Variants in PLEC observed in about 807,000 individuals in gnomAD.
The protein encoded by PLEC is plectin.
Under a neutral mutation model 392.8 loss-of-function variants are expected in PLEC, and 216 were observed. The observed-to-expected ratio is 0.55, with a 90% CI of 0.49 to 0.62. The LOEUF (loss-of-function observed/expected upper bound fraction) is 0.62, where lower values mean the gene tolerates loss of function less well. Among genes scored for constraint, PLEC ranks in the 20% least tolerant of loss-of-function variants. PLEC has a pLI of 0.00. For synonymous variants in PLEC, 3,621 were observed against 2,980.6 expected (o/e 1.21, Z -7.00); for missense variants, 6,863 against 6,563.4 (o/e 1.05, Z -1.58).
intron 1 of PLEC, chr8:143,950,048 G>GA (rs1229365381): frequency 5.7e-5 from 67 of 1,166,188 alleles, no homozygotes; most frequent in Non-Finnish European, 7.0e-5. Flanking sequence ...GCTAGGGGGG[G>GA]CCACCTGCTG....
chr8:143,926,748 GA>G lies in PLEC; in HGVS notation c.4044+35del, dbSNP rs781965155. 8.7e-5 allele frequency: 134 copies of G among 1,540,544 alleles called. 1 individual carries two copies. In the East Asian group the frequency reaches 2.3e-3, roughly 26 times the overall value. Reference sequence around the variant, plus strand: ...GTGGGACACAACAGGTGGTGAGATGGAACCCTCTGCCCAGCCTCCGCCCAAC... The same window carrying G: ...GTGGGACACAACAGGTGGTGAGATGGACCCTCTGCCCAGCCTCCGCCCAAC... On this transcript the variant is annotated intron_variant, in intron 30 of 31. Transcript: ENST00000345136.
chr8:143,939,360 C>T lies in PLEC; in HGVS notation c.102G>A (p.Glu34=), dbSNP rs781911752. 1 of 1,612,088 alleles carries T rather than the reference C, an allele frequency of 6.2e-7. No individual in the cohort carries two copies. Among genetic ancestry groups the T allele is most frequent in the African/African-American group, 1.3e-5 (1 of 75,046 alleles). Residue 34 remains glutamate, a synonymous_variant, in exon 1 of 32, where the codon GAG becomes GAA. Coordinates refer to ENST00000345136, the MANE Select transcript of PLEC (RefSeq NM_201384.3). ...NLYLAVLRAS[E]GKKDERDRVQ... ...GGGGAGCCCTGCTACCTTTCTTGCC[C>T]TCAGAGGCCCTGAGCACAGCCAGGT...
chr8:143,930,976 T>C (rs1827078658), intron 19 of PLEC, among the ~76,000 whole-genome samples: 1 of 152,050 alleles, frequency 6.6e-6, no homozygotes, highest in South Asian at 2.1e-4. Context: ...CAGTCCCTCT[T>C]CCCTGTCACT....
Position 143,922,264 on chromosome 8 carries a change from G to A in PLEC, c.7557C>T (p.Leu2519=). ...IEQEKAKLEQ[L]FQDEVAKAQQ... ...GTGCCTTGGCCACCTCGTCCTGGAA[G>A]AGCTGCTCCAGCTTGGCCTTCTCCT... The change falls in exon 32 of 32, where the codon CTC becomes CTT. Residue 2519 remains leucine, a synonymous_variant. Transcript: ENST00000345136. 4 of 1,601,456 alleles carry A rather than the reference G, an allele frequency of 2.5e-6. No homozygotes were observed. The highest frequency in any genetic ancestry group is 1.3e-5 in the African/African-American group (1 of 74,970).
intron 1 of PLEC, chr8:143,946,516 C>G: frequency 3.2e-6 from 2 of 617,148 alleles, no homozygotes; most frequent in Non-Finnish European, 5.0e-6. Flanking sequence ...CTCCTCCTCG[C>G]AGCCACCCCT....
upstream of PLEC, chr8:143,953,957 C>CCGCACCG (rs1355029899): frequency 1.6e-5 from 22 of 1,345,062 alleles, no homozygotes; most frequent in East Asian, 2.6e-4. Flanking sequence ...ATGCTCCCGG[C>CCGCACCG]CGCACCGCGC....
intron 6 of PLEC, 30 bp downstream of exon 6, chr8:143,935,818 C>T: frequency 1.2e-6 from 2 of 1,611,182 alleles, no homozygotes; most frequent in South Asian, 2.2e-5. Context: ...TGCCCCCAGC[C>T]CACAGCCCCC....
chr8:143,971,220 G>T (rs1342929312), intron 1 of PLEC, among the ~76,000 whole-genome samples: 1 of 152,180 alleles, frequency 6.6e-6, no homozygotes, highest in African/African-American at 2.4e-5. Context: ...CAGTGAGGTG[G>T]AACCGAGGCA....
Position 143,916,380 on chromosome 8 carries a change from T to C in PLEC, c.13441A>G (p.Ser4481Gly). 6.2e-7 allele frequency: 1 copy of C among 1,610,700 alleles called. No individual in the cohort carries two copies. Among genetic ancestry groups the C allele is most frequent in the Non-Finnish European group, 8.5e-7 (1 of 1,179,142 alleles). Residue 4481 changes from serine (S) to glycine (G), a missense_variant, in exon 32 of 32, where the codon AGC becomes GGC. Transcript: ENST00000345136. ...GAGCCAGCGGTAGAGCCGGAGCCGC[T>C]GACGCTGTAGGGGCTGTAGTAGCCC... ...TKGYYSPYSV[S>G]GSGSTAGSRT...
chr8:143,972,605 G>A (rs1201134812), intron 1 of PLEC, among the ~76,000 whole-genome samples: 1 of 152,210 alleles, frequency 6.6e-6, no homozygotes, highest in Non-Finnish European at 1.5e-5. Flanking sequence ...CTGCCTGGGG[G>A]CCCCCACCGC....
rs1554669294 is a variant in PLEC, at chr8:143,916,493, T to C, written c.13328A>G (p.Lys4443Arg). The C allele has an allele frequency of 4.3e-6, 7 of 1,611,882 alleles. No individual in the cohort carries two copies. Among genetic ancestry groups the C allele is most frequent in the Admixed American group, 1.7e-5 (1 of 59,994 alleles). Residue 4443 changes from lysine (K) to arginine (R), a missense_variant, in exon 32 of 32, where the codon AAG becomes AGG. Lys to Arg is a conservative substitution (Grantham distance 26). Coordinates refer to ENST00000345136, the MANE Select transcript of PLEC (RefSeq NM_201384.3). Reference protein sequence around the residue: ...KYLTCPKTKLKISYKDALDRS... With the variant: ...KYLTCPKTKLRISYKDALDRS... ...GTCCAGCGCGTCCTTATAGGAGATC[T>C]TGAGCTTGGTCTTAGGGCAGGTGAG... is the stretch of plus-strand genomic sequence containing the variant.
intron 12 of PLEC, 152 bp downstream of exon 12, chr8:143,933,846 C>G: frequency 2.9e-6 from 2 of 679,684 alleles, no homozygotes; most frequent in South Asian, 1.7e-5. Flanking sequence ...GGGAGGAGCT[C>G]AGGCCTGGAT....
At chr8:143,975,222 C>A (rs782670240), upstream of PLEC, 85 of 1,604,812 alleles carry the variant, frequency 5.3e-5, no homozygotes, top group Non-Finnish European at 5.7e-5. The surrounding 1 kb of genome is among the most constrained non-coding windows in gnomAD (Gnocchi z 9.9). Context: ...AGGACACTCC[C>A]GTTGCTCCCA....
At chr8:143,954,187 C>A (rs1469064116), upstream of PLEC, among the ~76,000 whole-genome samples, 2 of 152,278 alleles carry the variant, frequency 1.3e-5, no homozygotes, top group East Asian at 3.9e-4. The surrounding 1 kb of genome is among the most constrained non-coding windows in gnomAD (Gnocchi z 4.6). Flanking sequence ...TACCCGCGCC[C>A]TGCAGGAGAT....
upstream of PLEC, among the ~76,000 whole-genome samples, chr8:143,943,561 G>T (rs1048442940): frequency 6.6e-6 from 1 of 152,134 alleles, no homozygotes; most frequent in Admixed American, 6.5e-5. Flanking sequence ...CACCTGTCCC[G>T]CACAGGCTGC....
At chr8:143,930,340 C>G (rs2131779538) in intron 20 of PLEC, 42 bp from the exon 21 acceptor site, 1 of 1,587,030 alleles carries the variant, frequency 6.3e-7, no homozygotes. Context: ...CACACCCTGC[C>G]CTGCCTGGCC....
At chr8:143,965,605 G>C (rs1277449724) in intron 1 of PLEC, among the ~76,000 whole-genome samples, 1 of 152,168 alleles carries the variant, frequency 6.6e-6, no homozygotes, top group Non-Finnish European at 1.5e-5. Context: ...GCCCTTCCCA[G>C]CCTCCTCCAG....
chr8:143,972,777 C>T (rs1402088695), intron 1 of PLEC, among the ~76,000 whole-genome samples: 1 of 152,180 alleles, frequency 6.6e-6, no homozygotes, highest in African/African-American at 2.4e-5. Context: ...CAGGGGCTCC[C>T]CGTGGGCGTG....
At chr8:143,926,700 T>C (rs1825308989) in intron 30 of PLEC, 84 bp downstream of exon 30, 2 of 1,159,952 alleles carry the variant, frequency 1.7e-6, no homozygotes. Flanking sequence ...AGAGGTGGCC[T>C]CAGGCAGCTC....
Sources: allele counts gnomAD v4.1 joint callset (sites outside exome capture counted in the v4.1 genomes callset), GRCh38; gene constraint gnomAD v4.1.1; non-coding constraint Gnocchi (gnomAD v3.1); transcripts MANE v1.5; gene names NCBI Gene and HGNC (gene_info 2026-07-23, HGNC 2026-07-21).